GMPR: variants seen among roughly 807,000 people sequenced by gnomAD.
The protein encoded by GMPR is GMP reductase 1.
GMPR carries 31 observed loss-of-function variants against 38.4 expected under a neutral mutation model. The ratio of observed to expected loss-of-function variants is 0.81; its 90% CI spans 0.61 to 1.09. The LOEUF is 1.09. GMPR is among the 50% of genes least tolerant of loss of function. The pLI is 0.00. For missense variants in GMPR, 468 were observed against 453.7 expected (o/e 1.03, Z -0.29); for synonymous variants, 162 against 173.3 (o/e 0.93, Z 0.51).
chr6:16,239,524 G>T (rs1201471482), intron 1 of GMPR, among the ~76,000 whole-genome samples: 1 of 152,246 alleles, frequency 6.6e-6, no homozygotes, highest in Non-Finnish European at 1.5e-5. Flanking sequence ...GTCCCTGAAG[G>T]ATAAACTAGT....
At chr6:16,275,142 T>A (rs1159710325) in intron 5 of GMPR, among the ~76,000 whole-genome samples, 1 of 152,192 alleles carries the variant, frequency 6.6e-6, no homozygotes, top group Non-Finnish European at 1.5e-5. Context: ...GCTTTCCTTC[T>A]TTGCCCTGCT....
At chr6:16,255,941 C>T (rs551880501) in intron 4 of GMPR, among the ~76,000 whole-genome samples, 36 of 152,052 alleles carry the variant, frequency 2.4e-4, no homozygotes, top group Non-Finnish European at 4.4e-4. Flanking sequence ...TCCAGCTGGG[C>T]GCAGTGGCTC....
intron 1 of GMPR, among the ~76,000 whole-genome samples, chr6:16,244,727 G>T (rs534400632): frequency 6.6e-6 from 1 of 152,250 alleles, no homozygotes; most frequent in South Asian, 2.1e-4. Context: ...CTGGGAGGCT[G>T]AAATATTTAA....
rs28361478 is a variant in GMPR, at chr6:16,295,240, C to T, written c.*54C>T. ...AGTGGAAGCGTCCAAACCTGCTTTT[C>T]CCATCTCCCCCCAAGTCTGTTCCGT... is the stretch of plus-strand genomic sequence containing the variant. On this transcript the variant is annotated 3_prime_UTR_variant, in exon 9 of 9. Coordinates refer to ENST00000259727, the MANE Select transcript of GMPR (RefSeq NM_006877.4). The T allele has an allele frequency of 7.8e-7, 1 of 1,289,544 alleles. No individual in the cohort carries two copies. The highest frequency in any genetic ancestry group is 1.0e-6 in the Non-Finnish European group (1 of 959,758). 79.9% of individuals were successfully genotyped at this position (1,289,544 alleles called of 1,614,324 possible). A position where few individuals can be genotyped will look rare whatever the true frequency, so the allele number is the denominator to read the frequency against.
chr6:16,280,318 G>A (rs941644669), intron 6 of GMPR, among the ~76,000 whole-genome samples: 11 of 152,104 alleles, frequency 7.2e-5, no homozygotes, highest in African/African-American at 2.7e-4. Flanking sequence ...TCTTTCACTC[G>A]CTGTCCAGTG....
intron 4 of GMPR, among the ~76,000 whole-genome samples, chr6:16,266,805 AAAAAAG>A (rs1759251181): frequency 6.7e-6 from 1 of 149,236 alleles, no homozygotes; most frequent in Admixed American, 6.6e-5. Context: ...CAAACAAACA[AAAAAAG>A]AGCTGTAACA....
chr6:16,278,045 G>T (rs936213441), intron 5 of GMPR, among the ~76,000 whole-genome samples: 1 of 152,210 alleles, frequency 6.6e-6, no homozygotes, highest in African/African-American at 2.4e-5. Context: ...GACTGGGGCT[G>T]ACCGTGGGAC....
intron 1 of GMPR, among the ~76,000 whole-genome samples, chr6:16,242,808 T>C (rs1758677114): frequency 6.6e-6 from 1 of 152,102 alleles, no homozygotes; most frequent in Non-Finnish European, 1.5e-5. Context: ...CCAACTAATT[T>C]TGTATTTTTA....
chr6:16,263,994 A>C (rs1759140552), intron 4 of GMPR, among the ~76,000 whole-genome samples: 1 of 151,818 alleles, frequency 6.6e-6, no homozygotes, highest in Non-Finnish European at 1.5e-5. Flanking sequence ...CACGGAGAGA[A>C]GGGATTAGGG....
At chr6:16,267,531 A>G (rs941587508) in intron 4 of GMPR, among the ~76,000 whole-genome samples, 13 of 152,178 alleles carry the variant, frequency 8.5e-5, no homozygotes, top group African/African-American at 2.2e-4. Flanking sequence ...TCCTGAAGTC[A>G]GCAAGACCAT....
rs1437845287 is a variant in GMPR, at chr6:16,250,991, G to A, written c.291+624G>A. Among the ~76,000 whole-genome samples, 4 of 152,146 alleles carry A rather than the reference G, an allele frequency of 2.6e-5. No homozygotes were observed. The South Asian group carries it at 8.3e-4, about 31-fold the overall frequency. The stretch of plus-strand genomic sequence containing the variant: ...TTTGGAAAACAGTTGTCAGTTCCTG[G>A]AACGTTAACCATAAGAGTTGCCATG... On this transcript the variant is annotated intron_variant, in intron 3 of 8. Transcript: ENST00000259727.
At chr6:16,241,765 G>A (rs1409528340) in intron 1 of GMPR, among the ~76,000 whole-genome samples, 6 of 151,936 alleles carry the variant, frequency 3.9e-5, no homozygotes, top group Non-Finnish European at 7.4e-5. Context: ...ATTTAGAGAC[G>A]GAGTCTCACT....
chr6:16,249,768 A>T (rs1017831527), intron 2 of GMPR, among the ~76,000 whole-genome samples: 3 of 152,258 alleles, frequency 2.0e-5, no homozygotes, highest in Non-Finnish European at 4.4e-5. Context: ...ACTTTATATA[A>T]TTCCCACCGG....
Position 16,283,736 on chromosome 6 carries a change from T to C in GMPR, c.655-2057T>C, listed in dbSNP as rs1581664546. Among the ~76,000 whole-genome samples the C allele has an allele frequency of 2.0e-5, 3 of 152,192 alleles. No individual in the cohort carries two copies. The East Asian group carries it at 5.8e-4, about 29-fold the overall frequency. ...CACAGACCACAGTAATAAGAAATTT[T>C]CAGGACACCACAGGAGACACAAATG... On this transcript the variant is annotated intron_variant, in intron 6 of 8. Transcript: ENST00000259727.
chr6:16,239,181 C>CT (rs1197973331), intron 1 of GMPR, among the ~76,000 whole-genome samples: 1 of 152,158 alleles, frequency 6.6e-6, no homozygotes, highest in African/African-American at 2.4e-5. Flanking sequence ...GCTGCGTCTC[C>CT]TAGTGCTGAT....
At chr6:16,243,356 T>C (rs866151473) in intron 1 of GMPR, among the ~76,000 whole-genome samples, 5 of 152,190 alleles carry the variant, frequency 3.3e-5, no homozygotes, top group Admixed American at 2.6e-4. Context: ...TGCGGCTCTC[T>C]GGTAGCACTG....
At chr6:16,257,832 C>T (rs1161842657) in intron 4 of GMPR, 1 of 152,222 alleles carries the variant, frequency 6.6e-6, no homozygotes, top group Non-Finnish European at 1.5e-5. Context: ...AGGCTGCACC[C>T]TTATGACCTA....
chr6:16,247,008 G>C (rs773708499), intron 2 of GMPR, 47 bp downstream of exon 2: 193 of 1,593,246 alleles, frequency 1.2e-4, no homozygotes, highest in Non-Finnish European at 1.4e-4. Context: ...TCACACTGTG[G>C]ACAGGTTATC....
intron 1 of GMPR, among the ~76,000 whole-genome samples, chr6:16,239,042 G>A (rs989436297): frequency 6.6e-6 from 1 of 152,218 alleles, no homozygotes; most frequent in Non-Finnish European, 1.5e-5. Flanking sequence ...CTCGACCACA[G>A]ATGAGCGAGA....
Sources: allele counts gnomAD v4.1 joint callset (sites outside exome capture counted in the v4.1 genomes callset), GRCh38; gene constraint gnomAD v4.1.1; transcripts MANE v1.5; gene names NCBI Gene and HGNC (gene_info 2026-07-23, HGNC 2026-07-21).